VPS35L: variants seen among roughly 807,000 people sequenced by gnomAD.
The protein encoded by VPS35L is VPS35 endosomal protein-sorting factor-like.
A neutral mutation model predicts 133.0 loss-of-function variants in VPS35L; 83 were observed. That is an observed-to-expected ratio of 0.62 (90% CI 0.52 to 0.75). The LOEUF (loss-of-function observed/expected upper bound fraction) is 0.75. Ranked by LOEUF, VPS35L falls within the 30% of genes least tolerant of loss-of-function variation. VPS35L has a pLI of 0.00. For synonymous variants in VPS35L, 423 were observed against 449.9 expected, an observed-to-expected ratio of 0.94 and a Z score of 0.76; for missense variants, 1,083 against 1,206.8, an observed-to-expected ratio of 0.90 and a Z score of 1.52.
chr16:19,577,652 A>G (rs945980574), intron 5 of VPS35L, among the ~76,000 whole-genome samples: 1 of 152,102 alleles, frequency 6.6e-6, no homozygotes, highest in Non-Finnish European at 1.5e-5. Flanking sequence ...GCCCCGATTC[A>G]TATGTTGAAA....
At chr16:19,667,809 T>G (rs1974745860) in intron 26 of VPS35L, among the ~76,000 whole-genome samples, 1 of 152,116 alleles carries the variant, frequency 6.6e-6, no homozygotes, top group East Asian at 1.9e-4. Flanking sequence ...TGCCACAGTT[T>G]ATGTTGTCAA....
In VPS35L at chr16:19,584,365, G is replaced by A. The variant is rs957214336; in HGVS notation, c.639+2712G>A. On this transcript the variant is annotated intron_variant, in intron 7 of 30. Transcript: ENST00000417362. ...TTTTCGGCTGGGTGTGGTGGCTCAC[G>A]CCTGTAATCCCAGCACTTTGGGAGG... Among the ~76,000 whole-genome samples, 7 of 152,112 alleles carry A rather than the reference G, an allele frequency of 4.6e-5. No homozygotes were observed. The East Asian group carries it at 5.8e-4, about 13-fold the overall frequency.
chr16:19,630,326 G>GTTTTTTTT (rs201807727), intron 18 of VPS35L, among the ~76,000 whole-genome samples: 34 of 106,546 alleles, frequency 3.2e-4, no homozygotes, highest in Non-Finnish European at 3.7e-4. Context: ...AGTCCTAAAA[G>GTTTTTTTT]TTTTTTTTTT....
intron 7 of VPS35L, among the ~76,000 whole-genome samples, chr16:19,591,243 TCAACAGA>T (rs1972033552): frequency 6.6e-6 from 1 of 151,978 alleles, no homozygotes; most frequent in Non-Finnish European, 1.5e-5. Flanking sequence ...CACCCTGAAA[TCAACAGA>T]AGAAGCCAGT....
At chr16:19,637,733 T>C (rs906368108) in intron 20 of VPS35L, 77 bp downstream of exon 20, 1 of 1,040,978 alleles carries the variant, frequency 9.6e-7, no homozygotes, top group African/African-American at 1.6e-5. Context: ...AATGTTTTCA[T>C]GATGCCCCAG....
At chr16:19,663,202 T>C (rs1328832639) in intron 26 of VPS35L, among the ~76,000 whole-genome samples, 1 of 152,086 alleles carries the variant, frequency 6.6e-6, no homozygotes, top group African/African-American at 2.4e-5. Flanking sequence ...TCCCAGCTAC[T>C]CTGGAGGCTG....
chr16:19,569,152 C>A, intron 2 of VPS35L: 1 of 623,908 alleles, frequency 1.6e-6, no homozygotes, highest in Admixed American at 2.1e-5. Flanking sequence ...ATAGGGAACC[C>A]CAGGTGCTGT....
intron 27 of VPS35L, among the ~76,000 whole-genome samples, chr16:19,679,736 C>G (rs970678072): frequency 1.3e-5 from 2 of 152,102 alleles, no homozygotes; most frequent in Non-Finnish European, 2.9e-5. Context: ...AACTCCTGAC[C>G]TCAAGGGATC....
At chr16:19,660,966 T>G (rs960403290) in intron 26 of VPS35L, among the ~76,000 whole-genome samples, 2 of 152,094 alleles carry the variant, frequency 1.3e-5, no homozygotes, top group Admixed American at 6.5e-5. Flanking sequence ...GACATCTTGA[T>G]TTTTTTCTTT....
At chr16:19,617,438 A>G (rs1267045888) in intron 14 of VPS35L, 1 of 156,922 alleles carries the variant, frequency 6.4e-6, no homozygotes, top group Non-Finnish European at 1.4e-5. Flanking sequence ...AACAAGCCTT[A>G]TTGCGTCTTC....
At chr16:19,626,247 G>A (rs893384973) in intron 15 of VPS35L, 24 bp downstream of exon 15, 11 of 1,574,690 alleles carry the variant, frequency 7.0e-6, no homozygotes, top group African/African-American at 2.7e-5. Context: ...GATTCATAAA[G>A]CATGAGTTTG....
chr16:19,679,476 T>A (rs556738262), intron 27 of VPS35L, among the ~76,000 whole-genome samples: 32 of 88,362 alleles, frequency 3.6e-4, no homozygotes, highest in African/African-American at 3.1e-3. Context: ...CAATTATTTA[T>A]TTATTTATTT....
At chr16:19,680,627 A>T (rs1435392843) in intron 27 of VPS35L, among the ~76,000 whole-genome samples, 2 of 152,206 alleles carry the variant, frequency 1.3e-5, no homozygotes, top group Non-Finnish European at 2.9e-5. Context: ...AAAACAACAC[A>T]GAGGCTGGGC....
At chr16:19,561,410 T>C (rs950295659) in intron 1 of VPS35L, among the ~76,000 whole-genome samples, 1 of 152,142 alleles carries the variant, frequency 6.6e-6, no homozygotes, top group African/African-American at 2.4e-5. Context: ...GGTTCATTAT[T>C]GTCAACCAGC....
intron 1 of VPS35L, among the ~76,000 whole-genome samples, chr16:19,557,880 C>G (rs1013023700): frequency 6.6e-6 from 1 of 151,938 alleles, no homozygotes; most frequent in African/African-American, 2.4e-5. Context: ...GGTGAAAGCC[C>G]GTCTCCACAA....
chr16:19,677,134 C>A (rs963999766), intron 27 of VPS35L, among the ~76,000 whole-genome samples: 1 of 150,524 alleles, frequency 6.6e-6, no homozygotes, highest in Admixed American at 6.6e-5. Flanking sequence ...GGTGTGATCT[C>A]GGTTCACTGT....
At chr16:19,625,214 G>A (rs192783008) in intron 14 of VPS35L, among the ~76,000 whole-genome samples, 92 of 152,230 alleles carry the variant, frequency 6.0e-4, no homozygotes, top group Non-Finnish European at 9.7e-4. Context: ...CTAACTGTGC[G>A]ACCTTGGGTG....
chr16:19,588,158 A>AGTAT (rs71146263), intron 7 of VPS35L, among the ~76,000 whole-genome samples: 22,753 of 147,440 alleles, frequency 0.15, 1,833 homozygotes, highest in Middle Eastern at 0.18. Context: ...GGGTAATATA[A>AGTAT]GTATGTATGT....
intron 3 of VPS35L, among the ~76,000 whole-genome samples, chr16:19,571,092 C>T (rs1057260452): frequency 2.0e-5 from 3 of 151,230 alleles, no homozygotes; most frequent in East Asian, 3.9e-4. Context: ...AGGCTGGTCT[C>T]GAACGCCTGA....
Sources: gnomAD v4.1 joint callset for allele counts (sites outside exome capture counted in the v4.1 genomes callset) on GRCh38, gnomAD v4.1.1 for gene constraint, MANE v1.5 for transcripts, NCBI Gene and HGNC (gene_info 2026-07-23, HGNC 2026-07-21) for gene names.